GALNT9: variants seen among roughly 807,000 people sequenced by gnomAD.
GALNT9 encodes GalNAc transferase 9.
In GALNT9, 47 loss-of-function variants were observed where a neutral mutation model predicts 63.1. The observed-to-expected ratio is 0.75, with a 90% CI of 0.59 to 0.95. GALNT9 has a LOEUF of 0.95. Ranked by LOEUF, GALNT9 falls within the 40% of genes least tolerant of loss-of-function variation. The pLI is 0.00. For synonymous variants in GALNT9, 396 were observed against 365.7 expected (o/e 1.08, Z -0.94); for missense variants, 829 against 874.8 (o/e 0.95, Z 0.66).
In GALNT9 at chr12:132,196,393, C is replaced by G; in HGVS notation, c.*714G>C. 1 of 973,652 alleles carries G rather than the reference C, an allele frequency of 1.0e-6. No homozygotes were observed. Among genetic ancestry groups the G allele is most frequent in the Non-Finnish European group, 1.2e-6 (1 of 819,182 alleles). The allele number at this position is 973,652 out of a possible 1,614,324, so 60.3% of individuals were successfully genotyped here. On this transcript the variant is annotated 3_prime_UTR_variant, in exon 11 of 11. Transcript: ENST00000328957. ...TGGGTGTGGCTGGGCGCCAATAAAA[C>G]TGTATTTATTAAAACAGGCAAGGGG...
chr12:132,240,799 C>T (rs538320863), intron 6 of GALNT9: 3 of 443,604 alleles, frequency 6.8e-6, no homozygotes, highest in Admixed American at 2.4e-5. Context: ...TGTTTACACA[C>T]ATGCCACACA....
At position 132,275,790 on chromosome 12, in the gene GALNT9, G is replaced by A. The variant is rs56922573; in HGVS notation, c.419+10460C>T. On this transcript the variant is annotated intron_variant, in intron 2 of 10. Transcript: ENST00000328957. ...AACAGGAGCCATGGGTGACACGAGC[G>A]CCTCGGCTGGGCCGCCGGGGTCCGT... 1,169 of 152,604 alleles carry A rather than the reference G, an allele frequency of 7.7e-3. 10 individuals carry two copies. Among genetic ancestry groups the A allele is most frequent in the African/African-American group, 0.022 (900 of 41,594 alleles). 9.5% of individuals were successfully genotyped at this position (152,604 alleles called of 1,614,324 possible). A position where few individuals can be genotyped will look rare whatever the true frequency, so the allele number is the denominator to read the frequency against.
intron 1 of GALNT9, among the ~76,000 whole-genome samples, chr12:132,301,371 T>G (rs79077965): frequency 6.6e-6 from 1 of 152,196 alleles, no homozygotes; most frequent in African/African-American, 2.4e-5. Flanking sequence ...CTCCGCGCCC[T>G]GTTTCACAGA....
rs146384440 is a variant in GALNT9, at chr12:132,311,202, G to A, written c.238+17764C>T. 8.0e-4 allele frequency among the ~76,000 whole-genome samples: 122 copies of A among 152,342 alleles called. 1 individual carries two copies. The East Asian group carries it at 0.021, about 26-fold the overall frequency. On this transcript the variant is annotated intron_variant, in intron 1 of 10. Transcript: ENST00000328957. ...GGCCTGCAATTTGCTTTTTCCCTAAGAGGGTGTTCTGAATACTGTGACTTT... is the reference window on the plus strand; with the variant it reads ...GGCCTGCAATTTGCTTTTTCCCTAAAAGGGTGTTCTGAATACTGTGACTTT...
intron 1 of GALNT9, among the ~76,000 whole-genome samples, chr12:132,318,533 C>T (rs1555245874): frequency 6.6e-6 from 1 of 152,262 alleles, no homozygotes. Flanking sequence ...CAGGCAGCAT[C>T]CACGCTTGAA....
intron 1 of GALNT9, among the ~76,000 whole-genome samples, chr12:132,313,961 C>T (rs1182978303): frequency 4.4e-5 from 5 of 114,516 alleles, no homozygotes; most frequent in African/African-American, 1.0e-4. Context: ...CATCCATCCA[C>T]CCATCCATCC....
In GALNT9 at chr12:132,319,729, C is replaced by T. The variant is rs1298940833; in HGVS notation, c.238+9237G>A. Among the ~76,000 whole-genome samples, 1 of 152,254 alleles carries T rather than the reference C, an allele frequency of 6.6e-6. No homozygotes were observed. The highest frequency in any genetic ancestry group is 1.5e-5 in the Non-Finnish European group (1 of 68,042). On this transcript the variant is annotated intron_variant, in intron 1 of 10. Coordinates refer to ENST00000328957, the MANE Select transcript of GALNT9 (RefSeq NM_001122636.2). The surrounding 1 kb of genome is among the most constrained non-coding windows in gnomAD (Gnocchi z 5.2). ...CAGCTGTACCCGGCACAACACGCGG[C>T]CACAGGTCACCTCAGGTCGCCTCGG...
At chr12:132,263,428 G>A (rs28368599) in intron 2 of GALNT9, among the ~76,000 whole-genome samples, 10,404 of 152,176 alleles carry the variant, frequency 0.068, 1,186 homozygotes, top group African/African-American at 0.24. Flanking sequence ...GTCCTAGGAC[G>A]GACTGCAGGA....
intron 2 of GALNT9, among the ~76,000 whole-genome samples, chr12:132,267,800 C>CACACTCACACACAT (rs138324682): frequency 0.5 from 69,634 of 139,900 alleles, 18,106 homozygotes; most frequent in East Asian, 0.6. Context: ...CGCACTCACA[C>CACACTCACACACAT]GCACTCACAC....
At chr12:132,261,715 G>A (rs550178558) in intron 3 of GALNT9, among the ~76,000 whole-genome samples, 186 of 152,370 alleles carry the variant, frequency 1.2e-3, no homozygotes, top group Non-Finnish European at 2.3e-3. Context: ...GCCTCCACGA[G>A]GGGTCAGGAA....
chr12:132,321,656 G>A (rs1055386178), intron 1 of GALNT9, among the ~76,000 whole-genome samples: 2 of 151,786 alleles, frequency 1.3e-5, no homozygotes, highest in Admixed American at 6.6e-5. Flanking sequence ...CACTTCCCCC[G>A]GATTCTCTCC....
chr12:132,259,328 A>G (rs1407581756), intron 4 of GALNT9, among the ~76,000 whole-genome samples: 1 of 152,246 alleles, frequency 6.6e-6, no homozygotes, highest in Non-Finnish European at 1.5e-5. Context: ...ACCCGGCATC[A>G]GAGGGACTAA....
intron 8 of GALNT9, 99 bp from the exon 9 acceptor site, chr12:132,199,368 G>A (rs988357810): frequency 4.8e-6 from 4 of 836,570 alleles, no homozygotes; most frequent in Non-Finnish European, 7.7e-6. Context: ...CTAAGGAGGT[G>A]CCCGCGGGAG....
At chr12:132,201,838 G>A (rs539685360) in intron 7 of GALNT9, among the ~76,000 whole-genome samples, 45 of 152,302 alleles carry the variant, frequency 3.0e-4, no homozygotes, top group Admixed American at 5.9e-4. Context: ...ACTTTGACCC[G>A]TGTCCTCTGC....
chr12:132,292,901 G>A lies in GALNT9; in HGVS notation c.239-6471C>T, dbSNP rs1399154844. On this transcript the variant is annotated intron_variant, in intron 1 of 10. Transcript: ENST00000328957. Reference sequence around the variant, plus strand: ...CGCCTCGCATGTGCAGGGCTTTCACGGAAAATACTAGAAAGAGAGACTTTC... The same window carrying A: ...CGCCTCGCATGTGCAGGGCTTTCACAGAAAATACTAGAAAGAGAGACTTTC... 1.2e-4 allele frequency among the ~76,000 whole-genome samples: 18 copies of A among 151,500 alleles called. No individual in the cohort carries two copies. The South Asian group carries it at 2.1e-3, about 18-fold the overall frequency.
chr12:132,199,573 T>C (rs917928620), intron 8 of GALNT9, among the ~76,000 whole-genome samples: 8 of 152,162 alleles, frequency 5.3e-5, no homozygotes, highest in African/African-American at 1.9e-4. Context: ...CCTTGCCGCC[T>C]GCTCCCTGTG....
Position 132,250,887 on chromosome 12 carries a change from C to T in GALNT9, c.960-2860G>A, listed in dbSNP as rs538767567. Among the ~76,000 whole-genome samples, 17 of 152,330 alleles carry T rather than the reference C, an allele frequency of 1.1e-4. No individual in the cohort carries two copies. The South Asian group carries it at 2.1e-3, about 19-fold the overall frequency. Reference sequence around the variant, plus strand: ...TGGGTGGAGTCGGGACCCACATCCCCGGAGGCCTGCGGTGGACCTGTCGCC... The same window carrying T: ...TGGGTGGAGTCGGGACCCACATCCCTGGAGGCCTGCGGTGGACCTGTCGCC... On this transcript the variant is annotated intron_variant, in intron 5 of 10. Coordinates refer to ENST00000328957, the MANE Select transcript of GALNT9 (RefSeq NM_001122636.2).
In GALNT9 at chr12:132,245,989, C is replaced by T. The variant is rs1555237979; in HGVS notation, c.1077+1921G>A. On this transcript the variant is annotated intron_variant, in intron 6 of 10. Transcript: ENST00000328957. This position sits in a 1 kb window ranked among gnomAD's most constrained non-coding sequence, Gnocchi z 6.3. The stretch of plus-strand genomic sequence containing the variant: ...GCCGGTCCCCGGCACCCTCCCCAGG[C>T]TGTCCTCCTCGTCTCTGCGGTGCGT... Among the ~76,000 whole-genome samples the T allele has an allele frequency of 1.3e-5, 2 of 152,244 alleles. No individual in the cohort carries two copies.
At chr12:132,240,807 A>ACCCCCTTCCCGGGGCCGTCCCTATACC in intron 6 of GALNT9, 2 of 428,786 alleles carry the variant, frequency 4.7e-6, no homozygotes, top group South Asian at 1.7e-5. Context: ...CACATGCCAC[A>ACCCCCTTCCCGGGGCCGTCCCTATACC]CACCCTTCCC....
Sources: allele counts gnomAD v4.1 joint callset (sites outside exome capture counted in the v4.1 genomes callset), GRCh38; gene constraint gnomAD v4.1.1; non-coding constraint Gnocchi (gnomAD v3.1); transcripts MANE v1.5; gene names NCBI Gene and HGNC (gene_info 2026-07-23, HGNC 2026-07-21).